The following ITGA8 variants were observed in gnomAD, a reference collection of about 807,000 sequenced individuals.
ITGA8 encodes the protein integrin alpha-8.
In ITGA8, 91 loss-of-function variants were observed where a neutral mutation model predicts 142.3. That is an observed-to-expected ratio of 0.64 (90% CI 0.54 to 0.76). The LOEUF (loss-of-function observed/expected upper bound fraction) is 0.76. Among genes scored for constraint, ITGA8 ranks in the 30% least tolerant of loss-of-function variants. The pLI, the probability that ITGA8 is intolerant of heterozygous loss-of-function variation, is 0.00. For missense variants in ITGA8, 1,406 were observed against 1,327.7 expected, an observed-to-expected ratio of 1.06 and a Z score of -0.92; for synonymous variants, 505 against 485.2, an observed-to-expected ratio of 1.04 and a Z score of -0.54.
At chr10:15,638,801 G>A (rs1265588315) in intron 13 of ITGA8, among the ~76,000 whole-genome samples, 3 of 152,164 alleles carry the variant, frequency 2.0e-5, no homozygotes, top group Non-Finnish European at 2.9e-5. Flanking sequence ...ATTTGAAACA[G>A]GGCAGCTGAA....
intron 9 of ITGA8, among the ~76,000 whole-genome samples, 159 bp from the exon 10 acceptor site, chr10:15,659,214 A>T (rs1030195009): frequency 4.0e-4 from 11 of 27,286 alleles, no homozygotes; most frequent in Non-Finnish European, 1.2e-3. Flanking sequence ...ATCTTATTTA[A>T]AAAAAAAAAG....
At chr10:15,670,277 C>T (rs1834487097) in intron 8 of ITGA8, among the ~76,000 whole-genome samples, 1 of 152,144 alleles carries the variant, frequency 6.6e-6, no homozygotes, top group African/African-American at 2.4e-5. Context: ...AGTGAAAGCT[C>T]CCATTTATTG....
Position 15,719,861 on chromosome 10 carries a change from C to T in ITGA8, c.-90G>A. 1 of 1,021,446 alleles carries T rather than the reference C, an allele frequency of 9.8e-7. No homozygotes were observed. Among genetic ancestry groups the T allele is most frequent in the Non-Finnish European group, 1.3e-6 (1 of 782,434 alleles). The allele number at this position is 1,021,446 out of a possible 1,614,324, so 63.3% of individuals were successfully genotyped here. On this transcript the variant is annotated 5_prime_UTR_variant, in exon 1 of 30. Coordinates refer to ENST00000378076, the MANE Select transcript of ITGA8 (RefSeq NM_003638.3). Reference sequence around the variant, plus strand: ...GGGGGCTGGTGGAATCTGGCGGTCCCCAGCTGCCCGTGTCCCGGGTCGGTG... The same window carrying T: ...GGGGGCTGGTGGAATCTGGCGGTCCTCAGCTGCCCGTGTCCCGGGTCGGTG...
intron 8 of ITGA8, among the ~76,000 whole-genome samples, chr10:15,666,925 C>T (rs1466719944): frequency 3.9e-5 from 6 of 152,032 alleles, no homozygotes; most frequent in Admixed American, 2.6e-4. Flanking sequence ...TTTGCCAGTA[C>T]TTTATTGAGG....
chr10:15,527,972 G>A (rs1298185687), intron 28 of ITGA8, among the ~76,000 whole-genome samples: 6 of 132,470 alleles, frequency 4.5e-5, no homozygotes, highest in Non-Finnish European at 9.2e-5. Context: ...CTGGAGTGCA[G>A]TGGCGTGATC....
intron 20 of ITGA8, among the ~76,000 whole-genome samples, chr10:15,602,875 AG>A: frequency 6.6e-6 from 1 of 152,262 alleles, no homozygotes; most frequent in South Asian, 2.1e-4. Context: ...ACTCTTGAAA[AG>A]AAATGGAATT....
At position 15,718,833 on chromosome 10, in the gene ITGA8, G is replaced by A; in HGVS notation, c.276C>T (p.Ala92=). The A allele has an allele frequency of 6.2e-7, 1 of 1,614,118 alleles. No individual in the cohort carries two copies. Among genetic ancestry groups the A allele is most frequent in the Middle Eastern group, 1.6e-4 (1 of 6,062 alleles). Residue 92 remains alanine (A), a synonymous_variant, in exon 2 of 30, where the codon GCC becomes GCT. Transcript: ENST00000378076. ...TSQPDIVEGG[A]VYYCPWPAEG... ...CCGCGGGCCAAGGACAGTAATAGAC[G>A]GCTCCCCCTTCCACGATATCGGGCT... is the stretch of plus-strand genomic sequence containing the variant.
At position 15,646,979 on chromosome 10, in the gene ITGA8, C is replaced by T. The variant is rs373648949; in HGVS notation, c.1074G>A (p.Gly358=). Residue 358 remains glycine (G), a synonymous_variant, in exon 12 of 30, where the codon GGG becomes GGA. Coordinates refer to ENST00000378076, the MANE Select transcript of ITGA8 (RefSeq NM_003638.3). ...REFESNPREV[G]QIYLYLQVSS... ...TCACTTGCAAATACAGGTAGATTTG[C>T]CCTACTTCTCTGGGGTTGCTCTCAA... 13 of 1,614,014 alleles carry T rather than the reference C, an allele frequency of 8.1e-6. No individual in the cohort carries two copies. Among genetic ancestry groups the T allele is most frequent in the Non-Finnish European group, 1.1e-5 (13 of 1,180,014 alleles).
chr10:15,672,804 C>A, intron 6 of ITGA8, 55 bp from the exon 7 acceptor site: 1 of 1,493,418 alleles, frequency 6.7e-7, no homozygotes, highest in South Asian at 1.4e-5. Context: ...GCAGGCCCTC[C>A]ATGAGCAGAC....
At position 15,644,205 on chromosome 10, in the gene ITGA8, C is replaced by T. The variant is rs1444211316; in HGVS notation, c.1224G>A (p.Val408=). ...CTCTTTGATCCTTGCCTGCAAAAGG[C>T]ACTCCGATGGCAATGTCTAAAAACA... ...QDGYNDIAIG[V]PFAGKDQRGK... The change falls in exon 13 of 30, where the codon GTG becomes GTA. Residue 408 remains valine (V), a synonymous_variant. Transcript: ENST00000378076. The T allele has an allele frequency of 2.5e-6, 4 of 1,613,548 alleles. No homozygotes were observed. Among genetic ancestry groups the T allele is most frequent in the Non-Finnish European group, 3.4e-6 (4 of 1,179,752 alleles).
chr10:15,618,357 A>G (rs1470802112), intron 13 of ITGA8, among the ~76,000 whole-genome samples: 5 of 152,196 alleles, frequency 3.3e-5, no homozygotes, highest in Non-Finnish European at 5.9e-5. Flanking sequence ...CAAAAAACAA[A>G]GGTGGAGGGA....
intron 20 of ITGA8, among the ~76,000 whole-genome samples, chr10:15,598,980 T>C (rs1033056025): frequency 6.6e-6 from 1 of 152,198 alleles, no homozygotes; most frequent in African/African-American, 2.4e-5. Flanking sequence ...TGTGTTGGGA[T>C]TATTAACTCA....
Position 15,607,806 on chromosome 10 carries a change from A to T in ITGA8, c.1635T>A (p.Asp545Glu), listed in dbSNP as rs142752143. 3.1e-6 allele frequency: 5 copies of T among 1,613,442 alleles called. No individual in the cohort carries two copies. The highest frequency in any genetic ancestry group is 4.2e-6 in the Non-Finnish European group (5 of 1,179,606). ...TAATAGCTCCTTTCTGTTTCAGGGA[A>T]TCTAATTGCACCTCTGCCATCAAGA... ...TIVLMAEVQLDSLKQKGAIKR... is the reference protein window; with the variant it reads ...TIVLMAEVQLESLKQKGAIKR... Residue 545 changes from aspartate to glutamate, a missense_variant, in exon 17 of 30, where the codon GAT becomes GAA. Asp to Glu is a conservative substitution (Grantham distance 45, BLOSUM62 2). Transcript: ENST00000378076.
chr10:15,538,132 A>G (rs1409305933), intron 27 of ITGA8, among the ~76,000 whole-genome samples: 1 of 152,204 alleles, frequency 6.6e-6, no homozygotes, highest in East Asian at 1.9e-4. Flanking sequence ...TAAGAAAACA[A>G]TAAAAAGCAA....
chr10:15,695,336 T>C (rs572395543), intron 2 of ITGA8, among the ~76,000 whole-genome samples: 62 of 152,312 alleles, frequency 4.1e-4, no homozygotes, highest in African/African-American at 1.4e-3. Context: ...ACAAATCACC[T>C]TTCTAAAATT....
intron 21 of ITGA8, 36 bp downstream of exon 21, chr10:15,597,171 G>T: frequency 6.6e-7 from 1 of 1,516,162 alleles, no homozygotes; most frequent in Non-Finnish European, 9.2e-7. Context: ...AGTCCAGTTA[G>T]AAGGAAATCA....
chr10:15,606,539 A>G, intron 17 of ITGA8, 117 bp from the exon 18 acceptor site: 1 of 1,009,666 alleles, frequency 9.9e-7, no homozygotes, highest in African/African-American at 1.6e-5. Context: ...TGAAACAATT[A>G]TCTTTGCAGC....
chr10:15,704,970 C>T (rs1835230894), intron 2 of ITGA8, among the ~76,000 whole-genome samples: 1 of 150,060 alleles, frequency 6.7e-6, no homozygotes, highest in Non-Finnish European at 1.5e-5. Flanking sequence ...ATTCACCTAA[C>T]AGAACAGTTC....
chr10:15,671,789 A>G, intron 7 of ITGA8, 142 bp from the exon 8 acceptor site: 1 of 634,180 alleles, frequency 1.6e-6, no homozygotes, highest in Non-Finnish European at 2.7e-6. Flanking sequence ...AAGATTCTAT[A>G]AAGGGAAAAA....
Sources: gnomAD v4.1 joint callset for allele counts (sites outside exome capture counted in the v4.1 genomes callset) on GRCh38, gnomAD v4.1.1 for gene constraint, MANE v1.5 for transcripts, NCBI Gene and HGNC (gene_info 2026-07-23, HGNC 2026-07-21) for gene names.